Variants in TIAM1 observed in about 807,000 individuals in gnomAD.
TIAM1 encodes TIAM Rac1 associated GEF 1.
TIAM1 carries 65 observed loss-of-function variants against 163.5 expected under a neutral mutation model. That is an observed-to-expected ratio of 0.40 (90% CI 0.33 to 0.49). The LOEUF (loss-of-function observed/expected upper bound fraction) is 0.49. Ranked by LOEUF, TIAM1 falls within the 20% of genes least tolerant of loss-of-function variation. TIAM1 has a pLI of 0.77. For synonymous variants in TIAM1, 833 were observed against 810.1 expected, an observed-to-expected ratio of 1.03 and a Z score of -0.48; for missense variants, 1,789 against 2,044.7, an observed-to-expected ratio of 0.87 and a Z score of 2.41.
chr21:31,379,092 C>T (rs1368047260), intron 2 of TIAM1, among the ~76,000 whole-genome samples: 1 of 152,184 alleles, frequency 6.6e-6, no homozygotes, highest in Non-Finnish European at 1.5e-5. Flanking sequence ...CTGCCTCAGC[C>T]TCCCAAGTAG....
intron 2 of TIAM1, among the ~76,000 whole-genome samples, chr21:31,376,635 G>A (rs1051269126): frequency 6.6e-6 from 1 of 152,066 alleles, no homozygotes; most frequent in African/African-American, 2.4e-5. Flanking sequence ...GGGTGATGGA[G>A]GGATGGCTAA....
chr21:31,314,121 G>C (rs2146999070), intron 2 of TIAM1, among the ~76,000 whole-genome samples: 1 of 152,298 alleles, frequency 6.6e-6, no homozygotes, highest in Admixed American at 6.5e-5. Flanking sequence ...AATCCAGAGA[G>C]AAAAATATCA....
intron 2 of TIAM1, among the ~76,000 whole-genome samples, chr21:31,332,901 A>T (rs533514185): frequency 6.6e-6 from 1 of 152,260 alleles, no homozygotes; most frequent in East Asian, 1.9e-4. Context: ...AAGCAGAAAC[A>T]CTAAGAGTCC....
chr21:31,325,667 CA>C lies in TIAM1; in HGVS notation c.-189+13575del, dbSNP rs200884558. ...TGGGCGACAGAGCAAGACTCTGACTCAAAAAAAAAAAAAAAGAATGTATACA... is the reference window on the plus strand; with the variant it reads ...TGGGCGACAGAGCAAGACTCTGACTCAAAAAAAAAAAAAAGAATGTATACA... On this transcript the variant is annotated intron_variant, in intron 2 of 27. Coordinates refer to ENST00000541036, the MANE Select transcript of TIAM1 (RefSeq NM_001353694.2). 4.5e-3 allele frequency among the ~76,000 whole-genome samples: 445 copies of C among 99,840 alleles called. 2 individuals are homozygous for C. The highest frequency in any genetic ancestry group is 8.8e-3 in the African/African-American group (239 of 27,030). 65.5% of individuals were successfully genotyped at this position (99,840 alleles called of 152,430 possible).
intron 6 of TIAM1, among the ~76,000 whole-genome samples, chr21:31,238,584 TA>T (rs1569086095): frequency 2.0e-5 from 3 of 152,252 alleles, no homozygotes; most frequent in South Asian, 4.1e-4. Context: ...ACTTGAGGGT[TA>T]AAAAAAATTT....
chr21:31,214,452 T>A (rs2087065286), intron 9 of TIAM1, among the ~76,000 whole-genome samples: 2 of 152,198 alleles, frequency 1.3e-5, no homozygotes, highest in South Asian at 4.1e-4. Flanking sequence ...TAGCCTCATA[T>A]ACCTGACCAG....
intron 4 of TIAM1, among the ~76,000 whole-genome samples, chr21:31,264,363 C>T (rs2072644075): frequency 6.6e-6 from 1 of 152,164 alleles, no homozygotes; most frequent in Admixed American, 6.5e-5. Context: ...TACCCCGAGT[C>T]CTCAACCCAT....
In TIAM1 at chr21:31,444,263, G is replaced by C. The variant is rs900885898; in HGVS notation, c.-369+19720C>G. The stretch of plus-strand genomic sequence containing the variant: ...TAGAATTCGCACTGGCTTTTCTGTC[G>C]TTCACGGCGTGGCGCTGAGTCAGCC... On this transcript the variant is annotated intron_variant, in intron 2 of 28. Coordinates refer to the TIAM1 transcript ENST00000286827. Among the ~76,000 whole-genome samples, 4 of 152,038 alleles carry C rather than the reference G, an allele frequency of 2.6e-5. No individual in the cohort carries two copies. The East Asian group carries it at 7.7e-4, about 29-fold the overall frequency.
intron 2 of TIAM1, among the ~76,000 whole-genome samples, chr21:31,460,747 A>AT (rs1285146033): frequency 6.6e-6 from 1 of 152,238 alleles, no homozygotes; most frequent in Non-Finnish European, 1.5e-5. Flanking sequence ...TTAATTACAC[A>AT]TTATGACACC....
intron 15 of TIAM1, among the ~76,000 whole-genome samples, chr21:31,173,390 T>C (rs773807566): frequency 6.6e-6 from 1 of 152,188 alleles, no homozygotes; most frequent in Non-Finnish European, 1.5e-5. Flanking sequence ...TGTTAGGATA[T>C]AATTTTATTT....
At chr21:31,532,712 T>C (rs2048009596) in intron 1 of TIAM1, among the ~76,000 whole-genome samples, 2 of 152,180 alleles carry the variant, frequency 1.3e-5, no homozygotes, top group Admixed American at 6.5e-5. Flanking sequence ...AAGGGGCCCA[T>C]TAAAATTAAG....
At chr21:31,213,248 CTTG>C in intron 10 of TIAM1, 147 bp downstream of exon 10, 1 of 620,566 alleles carries the variant, frequency 1.6e-6, no homozygotes, top group Non-Finnish European at 2.7e-6. Flanking sequence ...TTTTCCATCT[CTTG>C]TTGACTTATT....
intron 10 of TIAM1, among the ~76,000 whole-genome samples, chr21:31,210,724 AGAAAG>A (rs2086800012): frequency 1.6e-5 from 2 of 122,294 alleles, no homozygotes; most frequent in South Asian, 4.9e-4. Flanking sequence ...AGAGAAAGAA[AGAAAG>A]AGAAAGAAGG....
chr21:31,136,478 T>C (rs1045003111), intron 22 of TIAM1, among the ~76,000 whole-genome samples: 5 of 129,270 alleles, frequency 3.9e-5, no homozygotes, highest in African/African-American at 1.4e-4. Context: ...AACAATACAA[T>C]GAAATTTTAA....
At chr21:31,196,175 C>T (rs1188512814) in intron 12 of TIAM1, among the ~76,000 whole-genome samples, 1 of 152,134 alleles carries the variant, frequency 6.6e-6, no homozygotes, top group Non-Finnish European at 1.5e-5. Context: ...GTACACATCG[C>T]TAATTATCAG....
At chr21:31,526,033 C>CA (rs10706618) in intron 1 of TIAM1, among the ~76,000 whole-genome samples, 2,875 of 107,592 alleles carry the variant, frequency 0.027, 86 homozygotes, top group African/African-American at 0.069. Context: ...GACTCCATCT[C>CA]AAAAAAAAAA....
chr21:31,536,613 A>T (rs573863995), intron 1 of TIAM1, among the ~76,000 whole-genome samples: 1 of 152,262 alleles, frequency 6.6e-6, no homozygotes, highest in Admixed American at 6.5e-5. Context: ...ACCTATAGTC[A>T]CCCCACAGGT....
chr21:31,295,037 A>C (rs2074181174), intron 2 of TIAM1, among the ~76,000 whole-genome samples: 1 of 152,114 alleles, frequency 6.6e-6, no homozygotes, highest in Non-Finnish European at 1.5e-5. Context: ...ATTTCCCTTC[A>C]ATTTATGGCT....
chr21:31,472,243 T>C (rs761998761), intron 1 of TIAM1, among the ~76,000 whole-genome samples: 37 of 152,114 alleles, frequency 2.4e-4, no homozygotes, highest in Non-Finnish European at 5.1e-4. Flanking sequence ...GAATAGTGTC[T>C]GGGCCAGGCT....
Sources: allele counts gnomAD v4.1 joint callset (sites outside exome capture counted in the v4.1 genomes callset), GRCh38; gene constraint gnomAD v4.1.1; transcripts MANE v1.5; gene names NCBI Gene and HGNC (gene_info 2026-07-23, HGNC 2026-07-21).